PALD1: variants seen among roughly 807,000 people sequenced by gnomAD.
PALD1 encodes the protein paladin.
A neutral mutation model predicts 96.0 loss-of-function variants in PALD1; 57 were observed. The ratio of observed to expected loss-of-function variants is 0.59; its 90% CI spans 0.48 to 0.74. The LOEUF (loss-of-function observed/expected upper bound fraction) is 0.74. Among genes scored for constraint, PALD1 ranks in the 30% least tolerant of loss-of-function variants. The probability of loss-of-function intolerance (pLI) is 0.00; values close to 1 mark genes in which losing one functional copy is unlikely to be tolerated. For synonymous variants in PALD1, 464 were observed against 473.6 expected, an observed-to-expected ratio of 0.98 and a Z score of 0.26; for missense variants, 1,063 against 1,143.7, an observed-to-expected ratio of 0.93 and a Z score of 1.02.
At chr10:70,502,596 G>A (rs1199499001) in intron 1 of PALD1, among the ~76,000 whole-genome samples, 1 of 152,164 alleles carries the variant, frequency 6.6e-6, no homozygotes, top group African/African-American at 2.4e-5. Flanking sequence ...ACGTCATTGT[G>A]TAGTCATGAA....
intron 1 of PALD1, among the ~76,000 whole-genome samples, chr10:70,518,501 G>A (rs967974503): frequency 4.6e-5 from 7 of 152,206 alleles, no homozygotes; most frequent in Non-Finnish European, 8.8e-5. Context: ...CTCAGAGCTC[G>A]GTATCGTCAG....
intron 18 of PALD1, among the ~76,000 whole-genome samples, chr10:70,552,163 G>A (rs1847494537): frequency 6.6e-6 from 1 of 152,226 alleles, no homozygotes; most frequent in South Asian, 2.1e-4. Context: ...GTTCTCGTAG[G>A]GCAGAGAGAG....
intron 1 of PALD1, among the ~76,000 whole-genome samples, chr10:70,511,888 G>T (rs1197354721): frequency 6.6e-6 from 1 of 152,180 alleles, no homozygotes; most frequent in East Asian, 1.9e-4. Context: ...TTAGCCGGGT[G>T]TGGTGGCGGG....
intron 1 of PALD1, among the ~76,000 whole-genome samples, chr10:70,489,055 G>A (rs1280355859): frequency 2.0e-5 from 3 of 152,166 alleles, no homozygotes; most frequent in Non-Finnish European, 4.4e-5. Context: ...GAAGGAATAG[G>A]CCCAGGAGAG....
chr10:70,486,536 G>A (rs540035731), intron 1 of PALD1, among the ~76,000 whole-genome samples: 50 of 152,178 alleles, frequency 3.3e-4, no homozygotes, highest in African/African-American at 1.2e-3. Context: ...CGGGGCAGGC[G>A]GATCACTTGA....
At chr10:70,530,284 G>A (rs189483112) in intron 4 of PALD1, among the ~76,000 whole-genome samples, 31 of 152,302 alleles carry the variant, frequency 2.0e-4, no homozygotes, top group African/African-American at 7.5e-4. Context: ...GTGGATGGCG[G>A]GGCACAAGGT....
chr10:70,462,001 C>T, the PALD1 span, among the ~76,000 whole-genome samples: 3 of 152,138 alleles, frequency 2.0e-5, no homozygotes, highest in Non-Finnish European at 4.4e-5. Context: ...CCATGTTGCC[C>T]AGGCTGGTCT....
At chr10:70,507,204 C>T (rs1434741167) in intron 1 of PALD1, among the ~76,000 whole-genome samples, 1 of 151,196 alleles carries the variant, frequency 6.6e-6, no homozygotes, top group Non-Finnish European at 1.5e-5. Flanking sequence ...GAGTTCAAGA[C>T]CAGCCTGGCC....
chr10:70,546,156 G>A (rs764699871), intron 17 of PALD1, among the ~76,000 whole-genome samples: 1 of 152,036 alleles, frequency 6.6e-6, no homozygotes, highest in Non-Finnish European at 1.5e-5. Context: ...AGAATTTCTT[G>A]AACCTAAGAG....
intron 1 of PALD1, among the ~76,000 whole-genome samples, chr10:70,488,546 C>T (rs1846048624): frequency 2.0e-5 from 3 of 152,194 alleles, no homozygotes; most frequent in Admixed American, 2.0e-4. Flanking sequence ...TGCTGAGTAT[C>T]CTTTGGTCTT....
intron 1 of PALD1, among the ~76,000 whole-genome samples, chr10:70,491,906 T>C (rs1472233325): frequency 2.6e-5 from 4 of 152,222 alleles, no homozygotes. Flanking sequence ...ATCTGTGTTG[T>C]AGCAAATATC....
intron 6 of PALD1, 106 bp from the exon 7 acceptor site, chr10:70,532,889 T>C: frequency 1.3e-6 from 2 of 1,505,644 alleles, no homozygotes; most frequent in Non-Finnish European, 1.8e-6. Flanking sequence ...CCCACACCCA[T>C]GTCTCCCACA....
chr10:70,516,416 A>C (rs1181231301), intron 1 of PALD1, among the ~76,000 whole-genome samples: 1 of 152,216 alleles, frequency 6.6e-6, no homozygotes, highest in Non-Finnish European at 1.5e-5. Flanking sequence ...TATCGCTCCC[A>C]GCCTTGTGTG....
chr10:70,555,488 A>G (rs1390534524), intron 18 of PALD1, among the ~76,000 whole-genome samples: 3 of 135,926 alleles, frequency 2.2e-5, no homozygotes, highest in Admixed American at 1.4e-4. Context: ...CCCGGGGGCA[A>G]TCTTGTGGTG....
Position 70,539,090 on chromosome 10 carries a change from A to G in PALD1, c.1570-2A>G. 1 of 1,613,846 alleles carries G rather than the reference A, an allele frequency of 6.2e-7. No homozygotes were observed. Among genetic ancestry groups the G allele is most frequent in the Non-Finnish European group, 8.5e-7 (1 of 1,179,880 alleles). ...ACTCACTGCCGGCCCTCCTGTGCCC[A>G]GGCCCTGGGGAGCATCCTGGCCTAC... is the stretch of plus-strand genomic sequence containing the variant. On this transcript the variant is annotated splice_acceptor_variant, in intron 13 of 19. Coordinates refer to ENST00000263563, the MANE Select transcript of PALD1 (RefSeq NM_014431.3). LOFTEE classifies it high-confidence loss of function. This position sits in a 1 kb window ranked among gnomAD's most constrained non-coding sequence, Gnocchi z 4.5.
At chr10:70,542,684 G>A (rs991090908) in intron 17 of PALD1, among the ~76,000 whole-genome samples, 2 of 152,086 alleles carry the variant, frequency 1.3e-5, no homozygotes, top group Non-Finnish European at 2.9e-5. Flanking sequence ...CTCCATCAAG[G>A]GACACTATTT....
At position 70,520,685 on chromosome 10, in the gene PALD1, C is replaced by CTTT. The variant is rs10545684; in HGVS notation, c.-29-5217_-29-5215dup. Among the ~76,000 whole-genome samples the CTTT allele has an allele frequency of 5.7e-3, 499 of 87,538 alleles. 12 individuals are homozygous for CTTT. The highest frequency in any genetic ancestry group is 0.051 in the East Asian group (120 of 2,336). The allele number at this position is 87,538 out of a possible 152,430, so 57.4% of individuals were successfully genotyped here. On this transcript the variant is annotated intron_variant, in intron 1 of 19. Coordinates refer to ENST00000263563, the MANE Select transcript of PALD1 (RefSeq NM_014431.3). ...TCAGTTTCTTTTCTTTTCTTTCTTTCTTTTTTTTTTTTTTTTTTTTTTTGC... is the reference window on the plus strand; with the variant it reads ...TCAGTTTCTTTTCTTTTCTTTCTTTCTTTTTTTTTTTTTTTTTTTTTTTTTTGC...
chr10:70,487,870 G>A (rs1006270833), intron 1 of PALD1, among the ~76,000 whole-genome samples: 1 of 152,216 alleles, frequency 6.6e-6, no homozygotes, highest in Non-Finnish European at 1.5e-5. Flanking sequence ...ATGCTCCCTT[G>A]TAGCCGGTCA....
intron 1 of PALD1, among the ~76,000 whole-genome samples, chr10:70,508,187 G>A (rs752207039): frequency 1.3e-5 from 2 of 152,164 alleles, no homozygotes; most frequent in African/African-American, 4.8e-5. Flanking sequence ...TTTGAGAGAC[G>A]GCCCAGCCTT....
Sources: gnomAD v4.1 joint callset for allele counts (sites outside exome capture counted in the v4.1 genomes callset) on GRCh38, gnomAD v4.1.1 for gene constraint, Gnocchi (gnomAD v3.1) non-coding constraint, MANE v1.5 for transcripts, NCBI Gene and HGNC (gene_info 2026-07-23, HGNC 2026-07-21) for gene names.